Variants in ZFP2 observed in about 807,000 individuals in gnomAD.
ZFP2 encodes zinc finger protein ZFP2.
In ZFP2, 33 loss-of-function variants were observed where a neutral mutation model predicts 36.1. That is an observed-to-expected ratio of 0.92 (90% CI 0.69 to 1.22). The LOEUF (loss-of-function observed/expected upper bound fraction) is 1.22, where lower values mean the gene tolerates loss of function less well. Among genes scored for constraint, ZFP2 ranks in the 50% most tolerant of loss-of-function variants. The pLI, the probability that ZFP2 is intolerant of heterozygous loss-of-function variation, is 0.00. For synonymous variants in ZFP2, 170 were observed against 178.0 expected (o/e 0.96, Z 0.36); for missense variants, 522 against 551.4 (o/e 0.95, Z 0.53).
At chr5:178,922,593 G>A in intron 4 of ZFP2, 2 of 1,559,068 alleles carry the variant, frequency 1.3e-6, no homozygotes, top group Non-Finnish European at 1.8e-6. Context: ...CCTTGACAGG[G>A]CAAGAGCATG....
chr5:178,911,380 A>AT lies in ZFP2; in HGVS notation c.-449-1198dup, dbSNP rs532717631. 2.6e-5 allele frequency among the ~76,000 whole-genome samples: 4 copies of AT among 152,142 alleles called. No individual in the cohort carries two copies. The South Asian group carries it at 8.3e-4, about 32-fold the overall frequency. On this transcript the variant is annotated intron_variant, in intron 1 of 4. Coordinates refer to ENST00000361362, the MANE Select transcript of ZFP2 (RefSeq NM_030613.4). ...ACTACACAGGCCCACTTTGATGTGG[A>AT]TTTTTTCCAATAAAAATTACACTGA... is the stretch of plus-strand genomic sequence containing the variant.
At chr5:178,930,283 T>C (rs34788528) in intron 4 of ZFP2, among the ~76,000 whole-genome samples, 2 of 150,872 alleles carry the variant, frequency 1.3e-5, no homozygotes, top group African/African-American at 2.4e-5. Flanking sequence ...TTACTTCCTA[T>C]ATCATATTTC....
Position 178,931,854 on chromosome 5 carries a change from A to G in ZFP2, c.541A>G (p.Thr181Ala). ...TCTTACTGTCCATCAACGAACTCAC[A>G]CCGGAGAGAAACCCTATCAGTGTAA... ...MNLTVHQRTH[T>A]GEKPYQCKEC... is the part of the protein sequence containing the mutation. Residue 181 changes from threonine to alanine, a missense_variant, in exon 5 of 5, where the codon ACC becomes GCC. Coordinates refer to ENST00000361362, the MANE Select transcript of ZFP2 (RefSeq NM_030613.4). The G allele has an allele frequency of 6.2e-7, 1 of 1,612,482 alleles. No homozygotes were observed. Among genetic ancestry groups the G allele is most frequent in the Admixed American group, 1.7e-5 (1 of 59,980 alleles).
intron 4 of ZFP2, among the ~76,000 whole-genome samples, chr5:178,925,448 G>T (rs943549437): frequency 2.0e-5 from 3 of 149,558 alleles, no homozygotes; most frequent in African/African-American, 7.3e-5. Context: ...ATCAGCCCAT[G>T]TGCTTGCTCT....
rs536849098 is a variant in ZFP2 at position 178,919,733 on chromosome 5, G to A, written c.-78+3023G>A. Among the ~76,000 whole-genome samples the A allele has an allele frequency of 4.6e-4, 70 of 152,264 alleles. 1 individual carries two copies. The highest frequency in any genetic ancestry group is 1.6e-3 in the African/African-American group (66 of 41,536). ...TCAGCACTTTGGGAGGTGAAGGCAG[G>A]TGGATCACTTGAGGCCAGGAGTTTG... On this transcript the variant is annotated intron_variant, in intron 4 of 4. Transcript: ENST00000361362.
At chr5:178,921,590 T>C (rs1381004400) in intron 4 of ZFP2, among the ~76,000 whole-genome samples, 4 of 149,048 alleles carry the variant, frequency 2.7e-5, no homozygotes. Context: ...AATAGGCAAT[T>C]CCCCCTGCTC....
rs1383987039 is a variant in ZFP2 at position 178,904,992 on chromosome 5, C to T, written c.-449-7592C>T. Among the ~76,000 whole-genome samples, 7 of 152,178 alleles carry T rather than the reference C, an allele frequency of 4.6e-5. No homozygotes were observed. The Middle Eastern group carries it at 0.01, about 222-fold the overall frequency. ...CTGGGATTACAGGAGTGAGCCACTG[C>T]GCCCGGCCCATTTTGGTATTTCGTA... On this transcript the variant is annotated intron_variant, in intron 1 of 4. Coordinates refer to ENST00000361362, the MANE Select transcript of ZFP2 (RefSeq NM_030613.4).
intron 1 of ZFP2, among the ~76,000 whole-genome samples, chr5:178,908,512 C>T (rs553386914): frequency 2.0e-5 from 3 of 151,618 alleles, no homozygotes; most frequent in African/African-American, 7.3e-5. Flanking sequence ...CAGTACAGAC[C>T]TGCCCTTAGA....
intron 1 of ZFP2, among the ~76,000 whole-genome samples, chr5:178,911,857 C>T (rs762810227): frequency 6.6e-5 from 10 of 152,042 alleles, no homozygotes; most frequent in East Asian, 1.9e-4. Flanking sequence ...TTTATCTGGC[C>T]GGACACGGTG....
At chr5:178,906,128 C>T (rs900372677) in intron 1 of ZFP2, among the ~76,000 whole-genome samples, 2 of 152,322 alleles carry the variant, frequency 1.3e-5, no homozygotes, top group African/African-American at 4.8e-5. Flanking sequence ...GCACGGGGAT[C>T]TGCAGTGCAT....
At position 178,932,716 on chromosome 5, in the gene ZFP2, C is replaced by A. The variant is rs946286653; in HGVS notation, c.*17C>A. The A allele has an allele frequency of 6.4e-7, 1 of 1,557,504 alleles. No individual in the cohort carries two copies. Among genetic ancestry groups the A allele is most frequent in the Admixed American group, 2.0e-5 (1 of 50,388 alleles). ...CATACGTGAGGAATGTTTTCACTGGCCCTTACCTCATGATTAACTCTTCAG... is the reference window on the plus strand; with the variant it reads ...CATACGTGAGGAATGTTTTCACTGGACCTTACCTCATGATTAACTCTTCAG... On this transcript the variant is annotated 3_prime_UTR_variant, in exon 5 of 5. Coordinates refer to ENST00000361362, the MANE Select transcript of ZFP2 (RefSeq NM_030613.4).
chr5:178,899,836 G>A (rs1245322695), intron 1 of ZFP2, among the ~76,000 whole-genome samples: 2 of 151,832 alleles, frequency 1.3e-5, no homozygotes, highest in Admixed American at 6.6e-5. Context: ...AAGACTTAAC[G>A]GCATTTTCTC....
chr5:178,925,578 T>A (rs72816639), intron 4 of ZFP2, among the ~76,000 whole-genome samples: 42,423 of 149,180 alleles, frequency 0.28, 8,512 homozygotes, highest in South Asian at 0.37. Context: ...AATTTTTACA[T>A]TTTGTTACTT....
rs192578665 is a variant in ZFP2 at position 178,912,862 on chromosome 5, C to A, written c.-313-120C>A. On this transcript the variant is annotated intron_variant, in intron 2 of 4. Transcript: ENST00000361362. ...TCTGTAGAGAATGGAAAATGGGGAA[C>A]TTCATAAGCCACACCTTCCTTGTTT... is the stretch of plus-strand genomic sequence containing the variant. 20 of 866,700 alleles carry A rather than the reference C, an allele frequency of 2.3e-5. No homozygotes were observed. The Admixed American group carries it at 1.2e-3, about 54-fold the overall frequency. 53.7% of individuals were successfully genotyped at this position (866,700 alleles called of 1,614,324 possible). A position where few individuals can be genotyped will look rare whatever the true frequency, so the allele number is the denominator to read the frequency against.
chr5:178,908,868 T>C lies in ZFP2; in HGVS notation c.-449-3716T>C, dbSNP rs560723733. On this transcript the variant is annotated intron_variant, in intron 1 of 4. Transcript: ENST00000361362. ...AAAGCTGAGTGTTGGGAAAAAAAGC[T>C]GAGGCAGGGCTTGCATGTCTGACAT... Among the ~76,000 whole-genome samples the C allele has an allele frequency of 5.1e-4, 77 of 152,138 alleles. 1 individual carries two copies. The highest frequency in any genetic ancestry group is 3.1e-3 in the Admixed American group (48 of 15,276).
At position 178,932,221 on chromosome 5, in the gene ZFP2, G is replaced by A. The variant is rs1162363326; in HGVS notation, c.908G>A (p.Cys303Tyr). The A allele has an allele frequency of 6.2e-7, 1 of 1,614,134 alleles. No individual in the cohort carries two copies. The highest frequency in any genetic ancestry group is 8.5e-7 in the Non-Finnish European group (1 of 1,180,018). The change falls in exon 5 of 5, where the codon TGC becomes TAC. Residue 303 changes from cysteine to tyrosine, a missense_variant. Transcript: ENST00000361362. ...TGEKPYKCNK[C>Y]GKSFSQSTYL... ...GAAAAACCTTACAAATGTAACAAAT[G>A]CGGGAAATCCTTTAGCCAAAGTACA...
chr5:178,902,593 CTGATAATT>C (rs143876547), intron 1 of ZFP2, among the ~76,000 whole-genome samples: 28,670 of 151,910 alleles, frequency 0.19, 2,897 homozygotes, highest in Non-Finnish European at 0.24. Context: ...TTGATGTTTG[CTGATAATT>C]TGATTCAGAT....
chr5:178,909,060 G>A (rs1758233298), intron 1 of ZFP2, among the ~76,000 whole-genome samples: 1 of 147,314 alleles, frequency 6.8e-6, no homozygotes, highest in African/African-American at 2.5e-5. Context: ...AGGGCTCAGG[G>A]CGTAAAACCC....
chr5:178,922,165 C>G lies in ZFP2; in HGVS notation c.-78+5455C>G. 1.3e-5 allele frequency: 15 copies of G among 1,129,904 alleles called. No individual in the cohort carries two copies. The South Asian group carries it at 1.8e-4, about 14-fold the overall frequency. The allele number at this position is 1,129,904 out of a possible 1,614,324, so 70.0% of individuals were successfully genotyped here. On this transcript the variant is annotated intron_variant, in intron 4 of 4. Coordinates refer to ENST00000361362, the MANE Select transcript of ZFP2 (RefSeq NM_030613.4). ...TTCCATCACTCTTCTTGGAGAACTC[C>G]TCAATATTGGAAACACACTTGACAT... is the stretch of plus-strand genomic sequence containing the variant.
Sources: gnomAD v4.1 joint callset for allele counts (sites outside exome capture counted in the v4.1 genomes callset) on GRCh38, gnomAD v4.1.1 for gene constraint, MANE v1.5 for transcripts, NCBI Gene and HGNC (gene_info 2026-07-23, HGNC 2026-07-21) for gene names.